USP34: variants seen among roughly 807,000 people sequenced by gnomAD.
The protein encoded by USP34 is ubiquitin carboxyl-terminal hydrolase 34.
In USP34, 70 loss-of-function variants were observed where a neutral mutation model predicts 460.3. The ratio of observed to expected loss-of-function variants is 0.15; its 90% confidence interval spans 0.13 to 0.19. The LOEUF is 0.19. Ranked by LOEUF, USP34 falls within the 10% of genes least tolerant of loss-of-function variation. USP34 has a pLI of 1.00. For synonymous variants in USP34, 1,647 were observed against 1,405.3 expected, an observed-to-expected ratio of 1.17 and a Z score of -3.85; for missense variants, 3,985 against 4,236.2, an observed-to-expected ratio of 0.94 and a Z score of 1.65.
At chr2:61,291,186 A>G (rs1366384739) in intron 33 of USP34, among the ~76,000 whole-genome samples, 1 of 152,166 alleles carries the variant, frequency 6.6e-6, no homozygotes. Flanking sequence ...GTGGCCAATA[A>G]GCACATGGAA....
At chr2:61,369,164 T>C (rs1384217576) in intron 10 of USP34, among the ~76,000 whole-genome samples, 1 of 152,158 alleles carries the variant, frequency 6.6e-6, no homozygotes, top group Non-Finnish European at 1.5e-5. Context: ...TTTAATGTGC[T>C]GACAAAATTA....
At chr2:61,263,338 C>T (rs1343201479) in intron 43 of USP34, among the ~76,000 whole-genome samples, 1 of 151,386 alleles carries the variant, frequency 6.6e-6, no homozygotes, top group Non-Finnish European at 1.5e-5. Flanking sequence ...TGCCATCATG[C>T]CTGGCTAATT....
At chr2:61,325,493 C>T (rs1691057372) in intron 20 of USP34, 36 bp from the exon 21 acceptor site, 3 of 1,342,068 alleles carry the variant, frequency 2.2e-6, no homozygotes, top group East Asian at 2.9e-5. Context: ...ATTAAATATC[C>T]TATTTCTTAA....
At chr2:61,377,161 G>T (rs909440482) in intron 8 of USP34, among the ~76,000 whole-genome samples, 2 of 152,058 alleles carry the variant, frequency 1.3e-5, no homozygotes, top group African/African-American at 4.8e-5. Flanking sequence ...GGGAGAATAA[G>T]AACTCTTTAG....
chr2:61,463,564 T>A lies in USP34; in HGVS notation c.43+7086A>T, dbSNP rs188129922. Among the ~76,000 whole-genome samples, 19 of 152,006 alleles carry A rather than the reference T, an allele frequency of 1.2e-4. 1 individual carries two copies. The East Asian group carries it at 3.7e-3, about 30-fold the overall frequency. On this transcript the variant is annotated intron_variant, in intron 1 of 79. Coordinates refer to ENST00000398571, the MANE Select transcript of USP34 (RefSeq NM_014709.4). ...GTAAGAACTTTTAGGCCAGGCAGGATGGCTCACACCCCTAAACCCAACACT... is the reference window on the plus strand; with the variant it reads ...GTAAGAACTTTTAGGCCAGGCAGGAAGGCTCACACCCCTAAACCCAACACT...
At chr2:61,409,217 C>CA (rs1558577802) in intron 2 of USP34, among the ~76,000 whole-genome samples, 1 of 151,714 alleles carries the variant, frequency 6.6e-6, no homozygotes, top group African/African-American at 2.4e-5. Flanking sequence ...GAGACTGTCT[C>CA]AAAAAACATA....
At chr2:61,396,177 T>C (rs1473251766) in intron 3 of USP34, among the ~76,000 whole-genome samples, 1 of 152,212 alleles carries the variant, frequency 6.6e-6, no homozygotes, top group Non-Finnish European at 1.5e-5. Flanking sequence ...TGAAACTGCT[T>C]TGGAATTCCC....
intron 1 of USP34, among the ~76,000 whole-genome samples, chr2:61,442,310 A>T (rs1048619794): frequency 6.6e-6 from 1 of 152,132 alleles, no homozygotes; most frequent in African/African-American, 2.4e-5. Flanking sequence ...ACAGAGTAAA[A>T]AAAGACAACC....
intron 30 of USP34, among the ~76,000 whole-genome samples, 174 bp downstream of exon 30, chr2:61,296,626 C>G (rs1690038968): frequency 6.6e-6 from 1 of 152,196 alleles, no homozygotes. Context: ...ATTATTCACC[C>G]TCACTAAATA....
At chr2:61,266,497 T>C (rs1179893991) in intron 41 of USP34, among the ~76,000 whole-genome samples, 1 of 152,248 alleles carries the variant, frequency 6.6e-6, no homozygotes, top group Non-Finnish European at 1.5e-5. Flanking sequence ...CTGGCGCTTC[T>C]GCATTAACTT....
At chr2:61,412,482 A>C (rs1299365789) in intron 2 of USP34, among the ~76,000 whole-genome samples, 1 of 152,180 alleles carries the variant, frequency 6.6e-6, no homozygotes, top group Non-Finnish European at 1.5e-5. Flanking sequence ...TTTTGTATAT[A>C]TATCATTTAC....
In USP34 at chr2:61,187,483, T is replaced by TTTAA. The variant is rs747705896; in HGVS notation, c.*615_*618dup. 3 of 978,628 alleles carry TTTAA rather than the reference T, an allele frequency of 3.1e-6. No individual in the cohort carries two copies. The East Asian group carries it at 3.4e-4, about 111-fold the overall frequency. The allele number at this position is 978,628 out of a possible 1,614,324, so 60.6% of individuals were successfully genotyped here. On this transcript the variant is annotated 3_prime_UTR_variant, in exon 80 of 80. Coordinates refer to ENST00000398571, the MANE Select transcript of USP34 (RefSeq NM_014709.4). ...ACAAATGAAAAGTCATCACAATCAG[T>TTTAA]TTAATTAAGTGCACAGAATAGCAAT...
At chr2:61,336,783 C>T (rs960722265) in intron 18 of USP34, among the ~76,000 whole-genome samples, 1 of 131,330 alleles carries the variant, frequency 7.6e-6, no homozygotes, top group African/African-American at 2.9e-5. Context: ...GCACTCCAGC[C>T]TGAGAAACTG....
At chr2:61,395,091 CA>C in intron 4 of USP34, 89 bp from the exon 5 acceptor site, 2 of 1,449,224 alleles carry the variant, frequency 1.4e-6, no homozygotes, top group Admixed American at 2.4e-5. Context: ...ATGAGAAACT[CA>C]AAAGACATAT....
At chr2:61,365,553 C>A (rs988974777) in intron 10 of USP34, among the ~76,000 whole-genome samples, 2 of 151,966 alleles carry the variant, frequency 1.3e-5, no homozygotes, top group African/African-American at 4.8e-5. Context: ...CCACAAATTT[C>A]TCTTCAGGAA....
chr2:61,274,431 GAAGTC>G (rs887526970), intron 41 of USP34, among the ~76,000 whole-genome samples: 5 of 141,720 alleles, frequency 3.5e-5, no homozygotes, highest in African/African-American at 7.9e-5. Flanking sequence ...CAAAAAACAT[GAAGTC>G]AAGACAGAAA....
At chr2:61,209,331 C>T (rs928694754) in intron 69 of USP34, among the ~76,000 whole-genome samples, 2 of 152,242 alleles carry the variant, frequency 1.3e-5, no homozygotes, top group South Asian at 2.1e-4. Context: ...TCTAAACACT[C>T]ATCAGCTGGT....
At chr2:61,420,373 C>A (rs1402003796) in intron 2 of USP34, among the ~76,000 whole-genome samples, 1 of 152,078 alleles carries the variant, frequency 6.6e-6, no homozygotes, top group Non-Finnish European at 1.5e-5. Context: ...AGAAACGGAA[C>A]AGATATTAAG....
chr2:61,332,036 G>C (rs974443509), intron 19 of USP34, among the ~76,000 whole-genome samples: 1 of 152,014 alleles, frequency 6.6e-6, no homozygotes, highest in Non-Finnish European at 1.5e-5. Context: ...ATTTTAAACA[G>C]AAGTTACTTT....
Sources: gnomAD v4.1 joint callset for allele counts (sites outside exome capture counted in the v4.1 genomes callset) on GRCh38, gnomAD v4.1.1 for gene constraint, MANE v1.5 for transcripts, NCBI Gene and HGNC (gene_info 2026-07-23, HGNC 2026-07-21) for gene names.